The following CTNND1 variants were observed in gnomAD, a reference collection of about 807,000 sequenced individuals.
The protein encoded by CTNND1 is catenin delta 1, also known as catenin delta-1.
CTNND1 carries 16 observed loss-of-function variants against 112.1 expected under a neutral mutation model. The observed-to-expected ratio is 0.14, with a 90% CI of 0.10 to 0.22. CTNND1 has a LOEUF of 0.22. Ranked by LOEUF, CTNND1 falls within the 10% of genes least tolerant of loss-of-function variation. The probability of loss-of-function intolerance (pLI) is 1.00; values close to 1 mark genes in which losing one functional copy is unlikely to be tolerated. For missense variants in CTNND1, 1,008 were observed against 1,257.0 expected, an observed-to-expected ratio of 0.80 and a Z score of 3.00; for synonymous variants, 420 against 446.5, an observed-to-expected ratio of 0.94 and a Z score of 0.75.
At chr11:57,783,359 A>G (rs898070079) in intron 1 of CTNND1, among the ~76,000 whole-genome samples, 2 of 151,556 alleles carry the variant, frequency 1.3e-5, no homozygotes, top group African/African-American at 4.8e-5. Context: ...GGACTCTGGT[A>G]TAAGCACTGA....
At position 57,796,853 on chromosome 11, in the gene CTNND1, C is replaced by A; in HGVS notation, c.817C>A (p.His273Asn). Residue 273 changes from histidine to asparagine, a missense_variant, in exon 6 of 21, where the codon CAT becomes AAT. His to Asn is a moderately conservative substitution (Grantham distance 68). Around this residue, in one of 5 missense-constraint regions of CTNND1, gnomAD observed 404 missense variants for 457.9 expected, o/e 0.88. Transcript: ENST00000399050. ...VRVGGSSVDL[H>N]RFHPEPYGLE... is the part of the protein sequence containing the mutation. ...GGTAGGTGGGAGCAGCGTGGATCTGCATCGCTTTCATCCAGAGCCTTATGG... is the reference window on the plus strand; with the variant it reads ...GGTAGGTGGGAGCAGCGTGGATCTGAATCGCTTTCATCCAGAGCCTTATGG... 6.2e-7 allele frequency: 1 copy of A among 1,611,796 alleles called. No homozygotes were observed. Among genetic ancestry groups the A allele is most frequent in the Non-Finnish European group, 8.5e-7 (1 of 1,178,442 alleles).
Position 57,808,656 on chromosome 11 carries a change from G to A in CTNND1, c.2242+116G>A, listed in dbSNP as rs572178048. On this transcript the variant is annotated intron_variant, in intron 14 of 20. Coordinates refer to ENST00000399050, the MANE Select transcript of CTNND1 (RefSeq NM_001085458.2). ...TGACTGAAGGGAAGGACCCTCCCCC[G>A]CTTCATAGTTTATGAATGCGAGAGT... is the stretch of plus-strand genomic sequence containing the variant. 2.3e-5 allele frequency: 23 copies of A among 1,008,732 alleles called. No individual in the cohort carries two copies. In the South Asian group the frequency reaches 3.7e-4, roughly 16 times the overall value. The allele number at this position is 1,008,732 out of a possible 1,614,324, so 62.5% of individuals were successfully genotyped here.
intron 1 of CTNND1, among the ~76,000 whole-genome samples, chr11:57,785,342 C>CA (rs2060015891): frequency 6.6e-6 from 1 of 152,064 alleles, no homozygotes; most frequent in South Asian, 2.1e-4. Flanking sequence ...CTCCATTTTA[C>CA]AAAAAAGGAA....
intron 6 of CTNND1, among the ~76,000 whole-genome samples, chr11:57,800,504 G>A (rs2061894487): frequency 6.6e-6 from 1 of 152,118 alleles, no homozygotes; most frequent in African/African-American, 2.4e-5. Flanking sequence ...CTGACCTCAG[G>A]TAATCCGCCC....
chr11:57,806,597 G>C, intron 11 of CTNND1, 119 bp downstream of exon 11: 3 of 905,828 alleles, frequency 3.3e-6, no homozygotes, highest in Non-Finnish European at 5.2e-6. Flanking sequence ...GTTCAGTTGA[G>C]GAAGACACTG....
chr11:57,811,296 G>T, intron 16 of CTNND1, 103 bp from the exon 17 acceptor site: 1 of 897,510 alleles, frequency 1.1e-6, no homozygotes, highest in Non-Finnish European at 1.7e-6. Flanking sequence ...GCTTTTTCAT[G>T]ATTCTATTTG....
intron 12 of CTNND1, among the ~76,000 whole-genome samples, chr11:57,807,800 G>T (rs555384295): frequency 6.6e-6 from 1 of 152,134 alleles, no homozygotes; most frequent in African/African-American, 2.4e-5. Flanking sequence ...GGTTAAGTTA[G>T]AAATAATTGA....
At chr11:57,792,823 G>A (rs1364818589) in intron 3 of CTNND1, among the ~76,000 whole-genome samples, 2 of 131,014 alleles carry the variant, frequency 1.5e-5, no homozygotes, top group African/African-American at 2.8e-5. Context: ...TACTGCACCC[G>A]GCTGAGTGAT....
At chr11:57,765,456 CTTAA>C (rs1950821303) in intron 1 of CTNND1, among the ~76,000 whole-genome samples, 1 of 138,728 alleles carries the variant, frequency 7.2e-6, no homozygotes, top group Non-Finnish European at 1.5e-5. Flanking sequence ...CGTCTCCTCC[CTTAA>C]TTTTTTTTTT....
chr11:57,804,823 A>C (rs750626715), intron 9 of CTNND1, 43 bp downstream of exon 9: 6 of 1,411,074 alleles, frequency 4.3e-6, no homozygotes, highest in Non-Finnish European at 6.0e-6. Flanking sequence ...AATTTCATTC[A>C]CCACAACTAT....
At chr11:57,803,881 T>G (rs981000700) in intron 8 of CTNND1, 77 bp downstream of exon 8, 7 of 1,018,398 alleles carry the variant, frequency 6.9e-6, no homozygotes, top group Non-Finnish European at 9.8e-6. Flanking sequence ...AAAAAAAAAT[T>G]AAAATTCTTT....
intron 1 of CTNND1, among the ~76,000 whole-genome samples, chr11:57,782,859 T>C (rs539849187): frequency 6.6e-6 from 1 of 152,358 alleles, no homozygotes; most frequent in East Asian, 1.9e-4. Context: ...ACTTGAGTAG[T>C]GCTCAGTTGA....
chr11:57,768,753 A>G (rs1048361825), intron 1 of CTNND1, among the ~76,000 whole-genome samples: 5 of 152,106 alleles, frequency 3.3e-5, no homozygotes, highest in African/African-American at 9.7e-5. Flanking sequence ...ACATGAGTTC[A>G]TGAATGCTTC....
intron 1 of CTNND1, among the ~76,000 whole-genome samples, chr11:57,764,645 G>T (rs1950655050): frequency 1.3e-5 from 2 of 151,554 alleles, no homozygotes; most frequent in African/African-American, 2.4e-5. Flanking sequence ...TGGTTTTTTT[G>T]TTTGTTTTGT....
At position 57,768,422 on chromosome 11, in the gene CTNND1, C is replaced by G. The variant is rs559860416; in HGVS notation, c.-214+6303C>G. 9.1e-3 allele frequency among the ~76,000 whole-genome samples: 925 copies of G among 101,964 alleles called. 8 individuals are homozygous for G. Among genetic ancestry groups the G allele is most frequent in the Non-Finnish European group, 0.012 (665 of 56,356 alleles). The allele number at this position is 101,964 out of a possible 152,430, so 66.9% of individuals were successfully genotyped here. A position where few individuals can be genotyped will look rare whatever the true frequency, so the allele number is the denominator to read the frequency against. ...TTTTTTTTTTTTTTTTAGACAGAGT[C>G]TTGCTCTGTCGCCCAGGCTGGAGTG... On this transcript the variant is annotated intron_variant, in intron 1 of 20. Transcript: ENST00000399050.
intron 11 of CTNND1, 23 bp downstream of exon 11, chr11:57,806,501 CT>C: frequency 6.3e-7 from 1 of 1,586,772 alleles, no homozygotes; most frequent in Admixed American, 1.8e-5. Flanking sequence ...TTTTAAGGTG[CT>C]TATCTACTTC....
chr11:57,797,702 C>T (rs963627446), intron 6 of CTNND1, among the ~76,000 whole-genome samples: 1 of 150,710 alleles, frequency 6.6e-6, no homozygotes, highest in Non-Finnish European at 1.5e-5. Flanking sequence ...ATTAGCTGGG[C>T]GTAGTGGTGC....
chr11:57,767,212 C>T (rs1434107544), intron 1 of CTNND1, among the ~76,000 whole-genome samples: 2 of 152,118 alleles, frequency 1.3e-5, no homozygotes, highest in Non-Finnish European at 2.9e-5. Context: ...CTTCATGATC[C>T]GCCTGCCTTG....
At chr11:57,773,508 A>G (rs1238042737) in intron 1 of CTNND1, among the ~76,000 whole-genome samples, 1 of 150,722 alleles carries the variant, frequency 6.6e-6, no homozygotes, top group Non-Finnish European at 1.5e-5. Flanking sequence ...CTGGAGTGCA[A>G]TGGCACGACC....
Sources: gnomAD v4.1 joint callset for allele counts (sites outside exome capture counted in the v4.1 genomes callset) on GRCh38, gnomAD v4.1.1 for gene constraint, gnomAD v4.1.1 regional missense constraint, MANE v1.5 for transcripts, NCBI Gene and HGNC (gene_info 2026-07-23, HGNC 2026-07-21) for gene names.